HBP1: variants seen among roughly 807,000 people sequenced by gnomAD.
HBP1 encodes HMG-box transcription factor 1.
HBP1 carries 20 observed loss-of-function variants against 62.6 expected under a neutral mutation model. The ratio of observed to expected loss-of-function variants is 0.32; its 90% CI spans 0.22 to 0.46. The LOEUF is 0.46. HBP1 is among the 20% of genes least tolerant of loss of function. The pLI is 1.00. For synonymous variants in HBP1, 232 were observed against 206.2 expected (o/e 1.12, Z -1.07); for missense variants, 480 against 611.8 (o/e 0.78, Z 2.27).
Position 107,169,147 on chromosome 7 carries a change from G to C in HBP1, c.-54G>C. On this transcript the variant is annotated 5_prime_UTR_variant, in exon 1 of 11. Transcript: ENST00000222574. ...AGCTGCTGGTGGTGTTGTCGTGGCCGGAGCGGCCCGCGCCTGGGCTGCCGG... is the reference window on the plus strand; with the variant it reads ...AGCTGCTGGTGGTGTTGTCGTGGCCCGAGCGGCCCGCGCCTGGGCTGCCGG... 1.7e-6 allele frequency: 2 copies of C among 1,198,172 alleles called. No individual in the cohort carries two copies. Among genetic ancestry groups the C allele is most frequent in the Non-Finnish European group, 2.1e-6 (2 of 938,102 alleles). 74.2% of individuals were successfully genotyped at this position (1,198,172 alleles called of 1,614,324 possible).
At chr7:107,198,702 A>AAAT (rs1798049340) in intron 9 of HBP1, among the ~76,000 whole-genome samples, 1 of 152,238 alleles carries the variant, frequency 6.6e-6, no homozygotes, top group East Asian at 1.9e-4. Flanking sequence ...ATTTGGAGGC[A>AAAT]AATTCTGAGG....
chr7:107,200,690 G>C (rs2116031951), intron 10 of HBP1: 1 of 156,330 alleles, frequency 6.4e-6, no homozygotes, highest in Non-Finnish European at 1.4e-5. Flanking sequence ...TAATTGGTGA[G>C]GGACCAATAA....
chr7:107,186,361 G>A lies in HBP1; in HGVS notation c.541G>A (p.Ala181Thr). Residue 181 changes from alanine (A) to threonine (T), a missense_variant and splice_region_variant, in exon 5 of 11, where the codon GCA becomes ACA. By Grantham distance (58) the Ala-to-Thr change is moderately conservative. Coordinates refer to ENST00000222574, the MANE Select transcript of HBP1 (RefSeq NM_012257.4). ...KEETPVRHER[A>T]NSESESGIFC... The stretch of plus-strand genomic sequence containing the variant: ...AAGTTGATAATATTTTTCTCCATAG[G>A]CAAATAGTGAGTCAGAATCTGGCAT... The A allele has an allele frequency of 6.4e-7, 1 of 1,562,852 alleles. No individual in the cohort carries two copies.
intron 1 of HBP1, chr7:107,173,665 T>A: frequency 6.6e-6 from 1 of 152,230 alleles, no homozygotes; most frequent in Non-Finnish European, 1.5e-5. Flanking sequence ...CTTTCTCTCC[T>A]GTCTTAAGAT....
chr7:107,180,090 ATC>A (rs771315407), intron 2 of HBP1, 28 bp downstream of exon 2: 737 of 1,412,748 alleles, frequency 5.2e-4, no homozygotes, highest in Non-Finnish European at 7.0e-4. Flanking sequence ...TTATATAGAA[ATC>A]TCACTAAGAT....
intron 1 of HBP1, among the ~76,000 whole-genome samples, chr7:107,171,447 T>C (rs1239493690): frequency 6.6e-6 from 1 of 152,054 alleles, no homozygotes; most frequent in Non-Finnish European, 1.5e-5. Flanking sequence ...CACGATGGCA[T>C]GGACTTATGA....
At chr7:107,169,538 G>C (rs1419111610) in intron 1 of HBP1, among the ~76,000 whole-genome samples, 2 of 150,480 alleles carry the variant, frequency 1.3e-5, no homozygotes, top group African/African-American at 4.9e-5. Flanking sequence ...CGCCGGGGCT[G>C]CCCAGGAAAG....
intron 1 of HBP1, among the ~76,000 whole-genome samples, chr7:107,178,280 G>T (rs574282450): frequency 6.6e-6 from 1 of 152,232 alleles, no homozygotes; most frequent in South Asian, 2.1e-4. Context: ...TAAGTAGCTG[G>T]AACTATAGGC....
intron 3 of HBP1, among the ~76,000 whole-genome samples, chr7:107,184,958 TC>T (rs1797283974): frequency 2.0e-5 from 3 of 152,218 alleles, no homozygotes; most frequent in Admixed American, 6.5e-5. Context: ...CTGGCTGTCT[TC>T]CTCTCTGCTT....
chr7:107,183,210 A>G (rs2115868467), intron 3 of HBP1, among the ~76,000 whole-genome samples: 1 of 152,332 alleles, frequency 6.6e-6, no homozygotes, highest in Admixed American at 6.5e-5. Context: ...TTCATTATTT[A>G]TCCCTGAAAA....
At chr7:107,195,490 TTAAAG>T (rs547781880) in intron 8 of HBP1, among the ~76,000 whole-genome samples, 113 of 152,346 alleles carry the variant, frequency 7.4e-4, no homozygotes, top group Middle Eastern at 3.4e-3. Context: ...AGAAATGAAT[TTAAAG>T]TAAGAATAAG....
intron 3 of HBP1, among the ~76,000 whole-genome samples, chr7:107,184,813 C>A (rs1205227309): frequency 6.6e-6 from 1 of 152,138 alleles, no homozygotes; most frequent in Admixed American, 6.5e-5. Context: ...TGCACCCGGC[C>A]CTTCCTCTCC....
At chr7:107,174,419 A>G in intron 1 of HBP1, 1 of 959,278 alleles carries the variant, frequency 1.0e-6, no homozygotes. Context: ...TTGAAATTAA[A>G]ATAATGTCTT....
intron 8 of HBP1, among the ~76,000 whole-genome samples, chr7:107,191,979 G>T (rs1190680411): frequency 5.9e-5 from 9 of 152,110 alleles, no homozygotes; most frequent in African/African-American, 1.7e-4. Flanking sequence ...AAGATGTGGG[G>T]TGAAGTCTGA....
Position 107,186,451 on chromosome 7 carries a change from G to A in HBP1, c.631G>A (p.Val211Ile). The change falls in exon 5 of 11, where the codon GTC becomes ATC. Residue 211 changes from valine (V) to isoleucine (I), a missense_variant. Physicochemically the swap from Val to Ile is conservative, Grantham distance 29. Transcript: ENST00000222574. The stretch of plus-strand genomic sequence containing the variant: ...ATGGTGCAATTCCTGGCCTTCAACT[G>A]TCTGGCACTGTTTTTTGAAAGGTAA... ...LGWCNSWPST[V>I]WHCFLKGTRL... The A allele has an allele frequency of 6.2e-7, 1 of 1,610,056 alleles. No individual in the cohort carries two copies. The highest frequency in any genetic ancestry group is 2.2e-5 in the East Asian group (1 of 44,856).
At chr7:107,197,493 C>T (rs889375955) in intron 9 of HBP1, among the ~76,000 whole-genome samples, 4 of 152,054 alleles carry the variant, frequency 2.6e-5, no homozygotes, top group African/African-American at 4.8e-5. Flanking sequence ...CTCAGCCACC[C>T]GAGTAGCTGG....
chr7:107,171,016 T>A (rs1345098715), intron 1 of HBP1, among the ~76,000 whole-genome samples: 2 of 142,472 alleles, frequency 1.4e-5, no homozygotes, highest in African/African-American at 5.3e-5. Flanking sequence ...TACATGTATA[T>A]ATATAAAATA....
At chr7:107,183,799 A>T (rs1256451282) in intron 3 of HBP1, among the ~76,000 whole-genome samples, 2 of 152,182 alleles carry the variant, frequency 1.3e-5, no homozygotes, top group Non-Finnish European at 2.9e-5. Flanking sequence ...TATCTCCCTG[A>T]GGATGTATTA....
At chr7:107,197,659 G>A (rs961045478) in intron 9 of HBP1, among the ~76,000 whole-genome samples, 1 of 152,108 alleles carries the variant, frequency 6.6e-6, no homozygotes, top group African/African-American at 2.4e-5. Flanking sequence ...CATGAGCCAC[G>A]GGCCCAGCGC....
Sources: gnomAD v4.1 joint callset for allele counts (sites outside exome capture counted in the v4.1 genomes callset) on GRCh38, gnomAD v4.1.1 for gene constraint, MANE v1.5 for transcripts, NCBI Gene and HGNC (gene_info 2026-07-23, HGNC 2026-07-21) for gene names.